FOXP2: variants seen among roughly 807,000 people sequenced by gnomAD.
FOXP2 encodes forkhead box protein P2.
In FOXP2, 12 loss-of-function variants were observed where a neutral mutation model predicts 115.8. The observed-to-expected ratio is 0.10, with a 90% CI of 0.07 to 0.17. FOXP2 has a LOEUF of 0.17. Ranked by LOEUF, FOXP2 falls within the 10% of genes least tolerant of loss-of-function variation. The pLI, the probability that FOXP2 is intolerant of heterozygous loss-of-function variation, is 1.00. For missense variants in FOXP2, 629 were observed against 843.5 expected, an observed-to-expected ratio of 0.75 and a Z score of 3.15; for synonymous variants, 328 against 297.7, an observed-to-expected ratio of 1.10 and a Z score of -1.05.
intron 2 of FOXP2, chr7:114,297,389 C>T: frequency 1.4e-6 from 1 of 720,650 alleles, no homozygotes; most frequent in South Asian, 1.5e-5. Context: ...CCTTGTGGCC[C>T]TTGTTGAGGC....
intron 1 of FOXP2, among the ~76,000 whole-genome samples, chr7:114,417,857 A>G (rs1283810648): frequency 6.6e-6 from 1 of 151,934 alleles, no homozygotes; most frequent in Non-Finnish European, 1.5e-5. Flanking sequence ...ATTTTCTTAT[A>G]GCATTCTTAC....
intron 1 of FOXP2, among the ~76,000 whole-genome samples, chr7:114,139,555 T>A (rs919617423): frequency 7.9e-5 from 12 of 152,214 alleles, no homozygotes; most frequent in African/African-American, 2.9e-4. Flanking sequence ...TTCTGCAGAA[T>A]GCTGGAATCT....
At chr7:114,665,598 C>G (rs1274827208) in intron 16 of FOXP2, 1 of 152,044 alleles carries the variant, frequency 6.6e-6, no homozygotes, top group Non-Finnish European at 1.5e-5. Context: ...CACTTTTACT[C>G]TATCACCTTT....
At chr7:114,620,047 T>G (rs978174950) in intron 3 of FOXP2, among the ~76,000 whole-genome samples, 1 of 152,052 alleles carries the variant, frequency 6.6e-6, no homozygotes, top group African/African-American at 2.4e-5. Flanking sequence ...ACGTGCTTAG[T>G]AAAAATTGCT....
At chr7:114,086,337 G>A (rs1274269102), upstream of FOXP2, 1 of 408,816 alleles carries the variant, frequency 2.4e-6, no homozygotes, top group Admixed American at 2.8e-5. Flanking sequence ...GAGAAAGCGC[G>A]AGACACGCCG....
At chr7:114,463,304 T>C (rs148151014) in intron 2 of FOXP2, 1 of 222,022 alleles carries the variant, frequency 4.5e-6, no homozygotes, top group East Asian at 1.6e-4. Flanking sequence ...TCATTTTGAA[T>C]GTTTAGAACA....
intron 16 of FOXP2, among the ~76,000 whole-genome samples, chr7:114,687,326 A>G (rs777817032): frequency 6.6e-6 from 1 of 152,164 alleles, no homozygotes; most frequent in Non-Finnish European, 1.5e-5. Flanking sequence ...CATCCCCAGC[A>G]TATCTGTGCA....
intron 1 of FOXP2, among the ~76,000 whole-genome samples, chr7:114,102,845 T>C (rs1791023640): frequency 6.6e-6 from 1 of 152,058 alleles, no homozygotes; most frequent in Non-Finnish European, 1.5e-5. Context: ...TAACATGGAC[T>C]TCCAAAAATT....
chr7:114,467,338 A>T (rs1436568809), intron 2 of FOXP2, among the ~76,000 whole-genome samples: 1 of 152,314 alleles, frequency 6.6e-6, no homozygotes, highest in Non-Finnish European at 1.5e-5. Flanking sequence ...CACCATTTAC[A>T]TAAGTATATT....
At chr7:114,451,447 G>A (rs1022432463) in intron 2 of FOXP2, among the ~76,000 whole-genome samples, 13 of 151,980 alleles carry the variant, frequency 8.6e-5, no homozygotes, top group Non-Finnish European at 1.8e-4. Context: ...CCATGTGGAT[G>A]GGGGAATTAA....
rs190172591 is a variant in FOXP2, at chr7:114,382,712, T to C, written c.-10-43790T>C. On this transcript the variant is annotated intron_variant, in intron 2 of 17. Coordinates refer to the FOXP2 transcript ENST00000634411. ...GTTTTGCTCTGGGCCTAAGGCAGACTTTTGAAGTTTTTTTCTAATGTCTGC... is the reference window on the plus strand; with the variant it reads ...GTTTTGCTCTGGGCCTAAGGCAGACCTTTGAAGTTTTTTTCTAATGTCTGC... Among the ~76,000 whole-genome samples, 223 of 152,264 alleles carry C rather than the reference T, an allele frequency of 1.5e-3. 2 individuals carry two copies. The highest frequency in any genetic ancestry group is 5.0e-3 in the African/African-American group (207 of 41,532).
At chr7:114,372,601 C>T (rs1016056573) in intron 2 of FOXP2, among the ~76,000 whole-genome samples, 1 of 152,206 alleles carries the variant, frequency 6.6e-6, no homozygotes, top group Non-Finnish European at 1.5e-5. Flanking sequence ...TACAGATTCT[C>T]TGAGAAGATA....
At chr7:114,229,496 G>A (rs1318303634) in intron 1 of FOXP2, among the ~76,000 whole-genome samples, 1 of 151,492 alleles carries the variant, frequency 6.6e-6, no homozygotes, top group Non-Finnish European at 1.5e-5. Context: ...TCATGTGTTA[G>A]GTCATAAAAC....
At chr7:114,615,453 T>C (rs1319437468) in intron 3 of FOXP2, among the ~76,000 whole-genome samples, 1 of 152,192 alleles carries the variant, frequency 6.6e-6, no homozygotes, top group East Asian at 1.9e-4. Context: ...ACATAGAACA[T>C]TGTCTCATGA....
At chr7:114,628,015 G>A (rs1804689261) in intron 3 of FOXP2, among the ~76,000 whole-genome samples, 1 of 151,578 alleles carries the variant, frequency 6.6e-6, no homozygotes, top group Admixed American at 6.6e-5. Context: ...TTATTTTCTA[G>A]TACTTTATCA....
intron 2 of FOXP2, among the ~76,000 whole-genome samples, chr7:114,456,801 A>G (rs1423487563): frequency 6.6e-6 from 1 of 152,194 alleles, no homozygotes; most frequent in African/African-American, 2.4e-5. Flanking sequence ...ATGGATAAAG[A>G]AATTGTGGTA....
At chr7:114,466,066 C>A (rs1795785229) in intron 2 of FOXP2, among the ~76,000 whole-genome samples, 1 of 152,230 alleles carries the variant, frequency 6.6e-6, no homozygotes, top group Middle Eastern at 3.4e-3. Flanking sequence ...TAGAGTAAAC[C>A]ATTGGAGCTT....
chr7:114,594,467 A>G (rs920735233), intron 3 of FOXP2, among the ~76,000 whole-genome samples: 10 of 152,060 alleles, frequency 6.6e-5, no homozygotes, highest in African/African-American at 2.2e-4. Flanking sequence ...GACTGATTAT[A>G]TTGTTGAGCA....
intron 1 of FOXP2, among the ~76,000 whole-genome samples, chr7:114,238,472 T>A (rs1795067492): frequency 6.6e-6 from 1 of 152,176 alleles, no homozygotes; most frequent in African/African-American, 2.4e-5. Context: ...TGAGTACTTC[T>A]ATATTTTAAG....
Sources: allele counts gnomAD v4.1 joint callset (sites outside exome capture counted in the v4.1 genomes callset), GRCh38; gene constraint gnomAD v4.1.1; transcripts MANE v1.5; gene names NCBI Gene and HGNC (gene_info 2026-07-23, HGNC 2026-07-21).